ZNF433: variants seen among roughly 807,000 people sequenced by gnomAD.
The protein encoded by ZNF433 is zinc finger protein 433.
A neutral mutation model predicts 10.6 loss-of-function variants in ZNF433; 12 were observed. That is an observed-to-expected ratio of 1.13 (90% CI 0.72 to 1.83). The LOEUF (loss-of-function observed/expected upper bound fraction) is 1.83. Ranked by LOEUF, ZNF433 falls within the 40% of genes most tolerant of loss-of-function variation. The pLI is 0.00. For synonymous variants in ZNF433, 272 were observed against 271.3 expected, an observed-to-expected ratio of 1.00 and a Z score of -0.02; for missense variants, 737 against 798.0, an observed-to-expected ratio of 0.92 and a Z score of 0.92.
chr19:12,017,720 A>G (rs190721821), intron 3 of ZNF433, among the ~76,000 whole-genome samples, 156 bp downstream of exon 3: 275 of 152,132 alleles, frequency 1.8e-3, no homozygotes, highest in African/African-American at 5.9e-3. Context: ...TGTCAAGCCT[A>G]CATCACACTT....
At chr19:12,021,873 A>T (rs1974510858) in intron 1 of ZNF433, 2 of 436,540 alleles carry the variant, frequency 4.6e-6, no homozygotes, top group African/African-American at 4.0e-5. Flanking sequence ...TAAACTTAGT[A>T]AGATAGGGGA....
At chr19:12,030,272 GT>G (rs1418684951) in intron 1 of ZNF433, 15 of 392,966 alleles carry the variant, frequency 3.8e-5, no homozygotes, top group Non-Finnish European at 6.5e-5. Flanking sequence ...CCAGGATGGA[GT>G]GCAGTGGCAT....
In ZNF433 at chr19:12,017,929, T is replaced by A. The variant is rs1330164521; in HGVS notation, c.138A>T (p.Lys46Asn). The A allele has an allele frequency of 6.3e-7, 1 of 1,581,112 alleles. No individual in the cohort carries two copies. The highest frequency in any genetic ancestry group is 2.3e-5 in the East Asian group (1 of 44,294). Reference sequence around the variant, plus strand: ...CTACATATATGTTCTGGGGTTTCCATTTTTTCCCTACAACACACAACAAGG... The same window carrying A: ...CTACATATATGTTCTGGGGTTTCCAATTTTTCCCTACAACACACAACAAGG... ...TFRNLASIGK[K>N]WKPQNIYVEY... is the part of the protein sequence containing the mutation. Residue 46 changes from lysine (K) to asparagine (N), a missense_variant, in exon 3 of 4, where the codon AAA becomes AAT. Physicochemically the swap from Lys to Asn is moderately conservative, Grantham distance 94. Coordinates refer to ENST00000550507, the MANE Select transcript of ZNF433 (RefSeq NM_001308348.2).
chr19:12,023,344 G>T (rs145461749), intron 1 of ZNF433: 2 of 152,294 alleles, frequency 1.3e-5, no homozygotes, highest in African/African-American at 2.4e-5. Flanking sequence ...GTACATACAG[G>T]AGTCACTGAT....
chr19:12,026,411 G>C (rs904947530), intron 1 of ZNF433: 20 of 295,002 alleles, frequency 6.8e-5, no homozygotes, highest in South Asian at 5.6e-4. Context: ...GAGAAAAGCG[G>C]GACAACCAGT....
intron 1 of ZNF433, chr19:12,025,655 G>A (rs936820392): frequency 6.6e-6 from 1 of 152,184 alleles, no homozygotes; most frequent in East Asian, 1.9e-4. Flanking sequence ...ATGTTCCCTC[G>A]TTTGGGAGAC....
chr19:12,030,031 G>A (rs908404433), intron 1 of ZNF433: 3 of 242,836 alleles, frequency 1.2e-5, no homozygotes, highest in Admixed American at 6.4e-5. Context: ...GCAGTAAGCC[G>A]AGATCGCACC....
intron 1 of ZNF433, among the ~76,000 whole-genome samples, chr19:12,019,187 G>T (rs1397990225): frequency 2.0e-5 from 3 of 152,050 alleles, no homozygotes; most frequent in African/African-American, 7.2e-5. Flanking sequence ...TTGGAAGGCT[G>T]AGGCAGGTGG....
chr19:12,029,810 G>A (rs55642433), intron 1 of ZNF433, among the ~76,000 whole-genome samples: 6,660 of 151,752 alleles, frequency 0.044, 213 homozygotes, highest in South Asian at 0.066. Flanking sequence ...GGCCGGGCGC[G>A]GTGGCTCACA....
chr19:12,031,215 G>A (rs1229095867), intron 1 of ZNF433, among the ~76,000 whole-genome samples: 1 of 148,384 alleles, frequency 6.7e-6, no homozygotes, highest in African/African-American at 2.5e-5. Flanking sequence ...AGATTTGCTT[G>A]AACCCAGGAG....
chr19:12,023,686 G>A (rs1974605451), intron 1 of ZNF433: 1 of 152,086 alleles, frequency 6.6e-6, no homozygotes, highest in African/African-American at 2.4e-5. Flanking sequence ...AGTTGGAGTT[G>A]GTAAAGCCCC....
At chr19:12,034,943 T>C in intron 1 of ZNF433, 1 of 454,392 alleles carries the variant, frequency 2.2e-6, no homozygotes, top group Non-Finnish European at 4.4e-6. Flanking sequence ...GGGTTGTGTT[T>C]TCCTCAGCTG....
chr19:12,015,378 C>T lies in ZNF433; in HGVS notation c.1480G>A (p.Glu494Lys). 1 of 1,614,170 alleles carries T rather than the reference C, an allele frequency of 6.2e-7. No individual in the cohort carries two copies. ...GTTTTTCCTCCAGTGTGAGTCCTTT[C>T]ATGTCTATGAAATAAACTGGGCAAA... is the stretch of plus-strand genomic sequence containing the variant. ...FSLPSLFHRHERTHTGGKTYE... is the reference protein window; with the variant it reads ...FSLPSLFHRHKRTHTGGKTYE... Residue 494 changes from glutamate to lysine, a missense_variant, in exon 4 of 4, where the codon GAA becomes AAA. Glu to Lys is a moderately conservative substitution (Grantham distance 56, BLOSUM62 1). Transcript: ENST00000550507.
At chr19:12,020,737 T>C (rs996684497) in intron 1 of ZNF433, among the ~76,000 whole-genome samples, 1 of 151,800 alleles carries the variant, frequency 6.6e-6, no homozygotes, top group African/African-American at 2.4e-5. Context: ...ATTAACATGG[T>C]GAAACCCTGT....
Position 12,015,194 on chromosome 19 carries a change from C to G in ZNF433, c.1664G>C (p.Gly555Ala). Residue 555 changes from glycine to alanine, a missense_variant, in exon 4 of 4, where the codon GGA (glycine) becomes GCA (alanine). Gly to Ala is a moderately conservative substitution (Grantham distance 60). Transcript: ENST00000550507. ...QLQIHGRTHT[G>A]EKPYECKQCG... is the part of the protein sequence containing the mutation. ...CTGCTTACATTCATAAGGTTTCTCT[C>G]CAGTGTGAGTCCTTCCATGAATTTG... 1.2e-6 allele frequency: 2 copies of G among 1,613,926 alleles called. No individual in the cohort carries two copies. The highest frequency in any genetic ancestry group is 1.3e-5 in the African/African-American group (1 of 74,988).
At chr19:12,020,459 T>G (rs73510989) in intron 1 of ZNF433, among the ~76,000 whole-genome samples, 2,275 of 152,258 alleles carry the variant, frequency 0.015, 67 homozygotes, top group African/African-American at 0.052. Flanking sequence ...AATAATAAAA[T>G]TTTAAATATA....
chr19:12,015,554 T>C lies in ZNF433; in HGVS notation c.1304A>G (p.Gln435Arg), dbSNP rs369413650. The C allele has an allele frequency of 7.4e-6, 12 of 1,613,802 alleles. No homozygotes were observed. Among genetic ancestry groups the C allele is most frequent in the African/African-American group, 1.3e-5 (1 of 74,836 alleles). ...TCCCGTGTGAGTCCTACCATGTGTTTGAAGGAGTGAGGCAGATCTGAAGGC... is the reference window on the plus strand; with the variant it reads ...TCCCGTGTGAGTCCTACCATGTGTTCGAAGGAGTGAGGCAGATCTGAAGGC... ...GKAFRSASLL[Q>R]THGRTHTGEK... The change falls in exon 4 of 4, where the codon CAA becomes CGA. Residue 435 changes from glutamine (Q) to arginine (R), a missense_variant. Transcript: ENST00000550507.
At chr19:12,032,203 G>A (rs1344353009) in intron 1 of ZNF433, among the ~76,000 whole-genome samples, 1 of 152,046 alleles carries the variant, frequency 6.6e-6, no homozygotes, top group African/African-American at 2.4e-5. Context: ...CTCCCAAAGT[G>A]TTGGGATTAC....
At chr19:12,019,012 C>G (rs1599355293) in intron 1 of ZNF433, among the ~76,000 whole-genome samples, 1 of 144,602 alleles carries the variant, frequency 6.9e-6, no homozygotes, top group East Asian at 2.0e-4. Context: ...ATCACACCAC[C>G]ACACTCCAGC....
Sources: gnomAD v4.1 joint callset for allele counts (sites outside exome capture counted in the v4.1 genomes callset) on GRCh38, gnomAD v4.1.1 for gene constraint, MANE v1.5 for transcripts, NCBI Gene and HGNC (gene_info 2026-07-23, HGNC 2026-07-21) for gene names.